The following MID1 variants were observed in gnomAD, a reference collection of about 807,000 sequenced individuals.
The protein encoded by MID1 is midline 1.
A neutral mutation model predicts 40.4 loss-of-function variants in MID1; 7 were observed. The observed-to-expected ratio is 0.17, with a 90% CI of 0.10 to 0.33. The LOEUF (loss-of-function observed/expected upper bound fraction) is 0.33, where lower values mean the gene tolerates loss of function less well. Among genes scored for constraint, MID1 ranks in the 10% least tolerant of loss-of-function variants. The pLI, the probability that MID1 is intolerant of heterozygous loss-of-function variation, is 1.00. For missense variants in MID1, 367 were observed against 558.5 expected, an observed-to-expected ratio of 0.66 and a Z score of 3.46; for synonymous variants, 229 against 221.2, an observed-to-expected ratio of 1.04 and a Z score of -0.31.
intron 1 of MID1, among the ~76,000 whole-genome samples, chrX:10,810,431 T>G (rs977973624): frequency 8.9e-6 from 1 of 112,065 alleles, no homozygotes; most frequent in East Asian, 2.8e-4. Context: ...AATGGACACT[T>G]GGGTTGCTTT....
intron 2 of MID1, among the ~76,000 whole-genome samples, chrX:10,560,312 A>G (rs1230869437): frequency 1.8e-5 from 2 of 111,497 alleles, no homozygotes; most frequent in East Asian, 5.6e-4. Flanking sequence ...AAACTGGCAC[A>G]AGACAAGGAT....
At chrX:10,718,806 C>T (rs1180925989) in intron 1 of MID1, among the ~76,000 whole-genome samples, 1 of 111,849 alleles carries the variant, frequency 8.9e-6, no homozygotes, top group Non-Finnish European at 1.9e-5. Context: ...CAATAAAATA[C>T]TGGCAAACCG....
chrX:10,589,872 G>A (rs1284346031), intron 1 of MID1: 1 of 109,270 alleles, frequency 9.2e-6, no homozygotes, highest in Non-Finnish European at 1.9e-5. Context: ...ACAAGCCGCA[G>A]ACAAAACTCC....
rs1239575737 is a variant in MID1 at position 10,479,517 on chromosome X, G to C, written c.1013+2963C>G. The stretch of plus-strand genomic sequence containing the variant: ...TCCCTACTATACTTCCCAGCCTCTG[G>C]TAACCATCCTTCTACTCTCTATGTC... On this transcript the variant is annotated intron_variant, in intron 5 of 9. Coordinates refer to ENST00000317552, the MANE Select transcript of MID1 (RefSeq NM_000381.4). Among the ~76,000 whole-genome samples the C allele has an allele frequency of 4.5e-5, 5 of 110,543 alleles. No homozygotes were observed. The East Asian group carries it at 1.4e-3, about 31-fold the overall frequency.
intron 2 of MID1, among the ~76,000 whole-genome samples, chrX:10,563,242 C>G (rs992640055): frequency 2.7e-4 from 30 of 111,896 alleles, no homozygotes; most frequent in African/African-American, 8.8e-4. Context: ...ATTATACAAA[C>G]AAACTTCCTC....
intron 1 of MID1, among the ~76,000 whole-genome samples, chrX:10,591,329 G>C (rs867817212): frequency 1.1e-4 from 12 of 112,277 alleles, no homozygotes; most frequent in Admixed American, 1.9e-4. Context: ...AGCTCCTTTA[G>C]CTTGTCCTTA....
intron 8 of MID1, among the ~76,000 whole-genome samples, chrX:10,458,678 A>G (rs1928834982): frequency 8.9e-6 from 1 of 112,025 alleles, no homozygotes; most frequent in Admixed American, 9.5e-5. Flanking sequence ...GGAAAGCCAC[A>G]GTCTTCTCAT....
chrX:10,712,379 G>T (rs1184583140), intron 1 of MID1, among the ~76,000 whole-genome samples: 1 of 111,165 alleles, frequency 9.0e-6, no homozygotes, highest in Admixed American at 9.6e-5. Flanking sequence ...GAGTTTAATG[G>T]GTATATGACC....
intron 1 of MID1, among the ~76,000 whole-genome samples, chrX:10,689,489 G>A (rs1475542272): frequency 9.0e-6 from 1 of 111,577 alleles, no homozygotes; most frequent in Non-Finnish European, 1.9e-5. Flanking sequence ...AATTTGACAT[G>A]AGATTTGGGT....
intron 1 of MID1, among the ~76,000 whole-genome samples, chrX:10,726,410 C>T (rs193005365): frequency 1.2e-4 from 13 of 111,205 alleles, no homozygotes; most frequent in African/African-American, 2.3e-4. Context: ...GCATTTCTGA[C>T]GGTACAGGTT....
At chrX:10,664,262 AG>A (rs1247632419) in intron 1 of MID1, among the ~76,000 whole-genome samples, 1 of 111,504 alleles carries the variant, frequency 9.0e-6, no homozygotes, top group Non-Finnish European at 1.9e-5. Flanking sequence ...CCCGGGTTCA[AG>A]CGATTCTCCT....
intron 2 of MID1, among the ~76,000 whole-genome samples, chrX:10,544,048 C>T (rs148707169): frequency 0.013 from 1,398 of 111,376 alleles, 30 homozygotes; most frequent in African/African-American, 0.043. Context: ...GGCTGTTTCC[C>T]AGGGTTACAC....
chrX:10,533,378 A>AAGAG lies in MID1; in HGVS notation c.661-10192_661-10191insCTCT, dbSNP rs775558538. ...AAAGAAAGAAAGAAAGAAAGAAAGAAAAAGAAAGAAAGAAAAGAAAGAAAG... is the reference window on the plus strand; with the variant it reads ...AAAGAAAGAAAGAAAGAAAGAAAGAAAGAGAAAGAAAGAAAGAAAAGAAAGAAAG... On this transcript the variant is annotated intron_variant, in intron 2 of 9. Transcript: ENST00000317552. Among the ~76,000 whole-genome samples, 163 of 56,569 alleles carry AAGAG rather than the reference A, an allele frequency of 2.9e-3. 1 individual carries two copies. The highest frequency in any genetic ancestry group is 7.9e-3 in the African/African-American group (105 of 13,288). The allele number at this position is 56,569 out of a possible 115,157, so 49.1% of individuals were successfully genotyped here.
At chrX:10,576,215 C>T (rs1292300729) in intron 1 of MID1, among the ~76,000 whole-genome samples, 5 of 111,391 alleles carry the variant, frequency 4.5e-5, no homozygotes, top group Non-Finnish European at 7.5e-5. Context: ...GGAATTCATG[C>T]AAATCAAATT....
At chrX:10,550,513 G>C (rs1263354342) in intron 2 of MID1, among the ~76,000 whole-genome samples, 2 of 111,955 alleles carry the variant, frequency 1.8e-5, no homozygotes, top group African/African-American at 6.5e-5. Context: ...CAGGCTGCCA[G>C]GCTGCCAGGC....
rs1371725309 is a variant in MID1, at chrX:10,564,274, C to CA, written c.660+2613dup. On this transcript the variant is annotated intron_variant, in intron 2 of 9. Transcript: ENST00000317552. Reference sequence around the variant, plus strand: ...CCTCTTGGTATGCTATTACTTCCTTCAAAAAAATCAACATTTATATTGTGC... The same window carrying CA: ...CCTCTTGGTATGCTATTACTTCCTTCAAAAAAAATCAACATTTATATTGTGC... 5.4e-5 allele frequency among the ~76,000 whole-genome samples: 6 copies of CA among 111,498 alleles called. No homozygotes were observed. The South Asian group carries it at 2.2e-3, about 42-fold the overall frequency.
chrX:10,609,715 C>CTTTTTTTTTT (rs138559299), intron 1 of MID1, among the ~76,000 whole-genome samples: 4 of 86,410 alleles, frequency 4.6e-5, no homozygotes, highest in Non-Finnish European at 8.9e-5. Flanking sequence ...TTCTTTCTTT[C>CTTTTTTTTTT]TTTTTTTTTT....
rs202212037 is a variant in MID1 at position 10,748,143 on chromosome X, C to T, written c.-187+85411G>A. ...TGACAACTGGCTCCAGCTTCTCCCACCCAGCTGGCCTTTCTCCTGTTTATT... is the reference window on the plus strand; with the variant it reads ...TGACAACTGGCTCCAGCTTCTCCCATCCAGCTGGCCTTTCTCCTGTTTATT... On this transcript the variant is annotated intron_variant, in intron 1 of 10. Coordinates refer to the MID1 transcript ENST00000380785. Among the ~76,000 whole-genome samples, 4 of 110,862 alleles carry T rather than the reference C, an allele frequency of 3.6e-5. No individual in the cohort carries two copies. The East Asian group carries it at 1.1e-3, about 32-fold the overall frequency.
At chrX:10,681,240 CT>C (rs1288714594) in intron 1 of MID1, among the ~76,000 whole-genome samples, 1 of 110,870 alleles carries the variant, frequency 9.0e-6, no homozygotes, top group Non-Finnish European at 1.9e-5. Flanking sequence ...ATCGCTAGTC[CT>C]TTTATCTACT....
Sources: gnomAD v4.1 joint callset for allele counts (sites outside exome capture counted in the v4.1 genomes callset) on GRCh38, gnomAD v4.1.1 for gene constraint, MANE v1.5 for transcripts, NCBI Gene and HGNC (gene_info 2026-07-23, HGNC 2026-07-21) for gene names.